Variants in GPBP1 observed in about 807,000 individuals in gnomAD.
GPBP1 encodes GC-rich promoter binding protein 1.
A neutral mutation model predicts 56.5 loss-of-function variants in GPBP1; 13 were observed. The observed-to-expected ratio is 0.23, with a 90% confidence interval of 0.15 to 0.37. The LOEUF (loss-of-function observed/expected upper bound fraction) is 0.37, where lower values mean the gene tolerates loss of function less well. GPBP1 is among the 10% of genes least tolerant of loss of function. GPBP1 has a pLI of 1.00. For synonymous variants in GPBP1, 204 were observed against 188.9 expected, an observed-to-expected ratio of 1.08 and a Z score of -0.66; for missense variants, 477 against 572.3, an observed-to-expected ratio of 0.83 and a Z score of 1.70.
intron 10 of GPBP1, among the ~76,000 whole-genome samples, chr5:57,256,515 A>G (rs1370921738): frequency 2.0e-5 from 3 of 152,130 alleles, no homozygotes; most frequent in South Asian, 2.1e-4. Context: ...CTTAAACCAT[A>G]TAGTTTAAAC....
chr5:57,199,718 C>T (rs1007885696), intron 2 of GPBP1, among the ~76,000 whole-genome samples: 1 of 152,102 alleles, frequency 6.6e-6, no homozygotes, highest in African/African-American at 2.4e-5. Flanking sequence ...TGAAAGCATA[C>T]TTCCAGATAT....
chr5:57,208,215 C>G (rs1430615479), intron 2 of GPBP1, among the ~76,000 whole-genome samples: 1 of 152,112 alleles, frequency 6.6e-6, no homozygotes, highest in Non-Finnish European at 1.5e-5. Context: ...AGGGACCATG[C>G]CCTTTTCTTC....
chr5:57,235,968 G>A lies in GPBP1; in HGVS notation c.414G>A (p.Pro138=), dbSNP rs147309086. 3,308 of 1,605,498 alleles carry A rather than the reference G, an allele frequency of 2.1e-3. 86 individuals carry two copies. In the South Asian group the frequency reaches 0.034, roughly 17 times the overall value. The change falls in exon 6 of 12, where the codon CCG becomes CCA. Residue 138 remains proline, a splice_region_variant and synonymous_variant. Transcript: ENST00000506184. ...TGTTTATTCCAACTTTCTTCCAGCC[G>A]TCTTTAAATCCTGAGTATGAGAGAG... ...ERKQFEAEDF[P]SLNPEYEREP...
intron 2 of GPBP1, among the ~76,000 whole-genome samples, chr5:57,179,794 C>T (rs945145125): frequency 3.3e-5 from 5 of 152,110 alleles, no homozygotes; most frequent in African/African-American, 1.2e-4. Flanking sequence ...GACGGGATTT[C>T]ACCACGTTGG....
intron 10 of GPBP1, among the ~76,000 whole-genome samples, chr5:57,252,110 G>A (rs1356065333): frequency 2.6e-5 from 4 of 151,626 alleles, no homozygotes; most frequent in African/African-American, 9.7e-5. Context: ...TCTCTCAGTA[G>A]TGCAATCACC....
intron 7 of GPBP1, 26 bp from the exon 8 acceptor site, chr5:57,247,049 A>G (rs751365317): frequency 4.4e-6 from 7 of 1,594,780 alleles, no homozygotes; most frequent in South Asian, 1.1e-5. Flanking sequence ...TTTGATAGCC[A>G]TTAATGTTTG....
At chr5:57,216,641 G>A (rs542900603) in intron 3 of GPBP1, among the ~76,000 whole-genome samples, 14 of 152,234 alleles carry the variant, frequency 9.2e-5, no homozygotes, top group East Asian at 3.9e-4. Flanking sequence ...AGCCGAGATC[G>A]TGCCACTGCA....
chr5:57,258,788 T>A (rs1003724269), intron 10 of GPBP1, among the ~76,000 whole-genome samples: 1 of 152,212 alleles, frequency 6.6e-6, no homozygotes, highest in Non-Finnish European at 1.5e-5. Context: ...GCTAGATTAT[T>A]TTGAAAGCTA....
chr5:57,250,963 T>G lies in GPBP1; in HGVS notation c.982T>G (p.Ser328Ala). ...ACTCTCTAAAAATCAGGATGACGAC[T>G]CATTTAATTTACATAACAGCAATAG... ...SRAGSEKDDDSFNLHNSNSTH... is the reference protein window; with the variant it reads ...SRAGSEKDDDAFNLHNSNSTH... Residue 328 changes from serine (S) to alanine (A), a missense_variant, in exon 10 of 12, where the codon TCA becomes GCA. Physicochemically the swap from Ser to Ala is moderately conservative, Grantham distance 99. This residue lies in a region of GPBP1 where 414 missense variants were observed against 458.2 expected (regional missense o/e 0.90). Coordinates refer to ENST00000506184, the MANE Select transcript of GPBP1 (RefSeq NM_022913.4). The G allele has an allele frequency of 6.4e-7, 1 of 1,566,292 alleles. No homozygotes were observed. The highest frequency in any genetic ancestry group is 8.7e-7 in the Non-Finnish European group (1 of 1,152,562).
Position 57,212,017 on chromosome 5 carries a change from A to G in GPBP1, c.-57-2057A>G, listed in dbSNP as rs78838058. On this transcript the variant is annotated intron_variant, in intron 2 of 11. Coordinates refer to ENST00000506184, the MANE Select transcript of GPBP1 (RefSeq NM_022913.4). The stretch of plus-strand genomic sequence containing the variant: ...AGTGGCGCGATCTCGGCTCACTGCA[A>G]CCTCCACTTCCCAGGTTCAAGCGAT... 2.7e-3 allele frequency among the ~76,000 whole-genome samples: 411 copies of G among 151,870 alleles called. 1 individual carries two copies. Among genetic ancestry groups the G allele is most frequent in the African/African-American group, 9.6e-3 (395 of 41,360 alleles).
At chr5:57,209,442 A>T (rs1356039715) in intron 2 of GPBP1, among the ~76,000 whole-genome samples, 1 of 152,154 alleles carries the variant, frequency 6.6e-6, no homozygotes, top group Non-Finnish European at 1.5e-5. Flanking sequence ...CTGGGACTAC[A>T]GGTGCTTTGC....
At chr5:57,252,599 C>T (rs938706250) in intron 10 of GPBP1, among the ~76,000 whole-genome samples, 16 of 152,140 alleles carry the variant, frequency 1.1e-4, no homozygotes, top group East Asian at 3.9e-4. Flanking sequence ...CACTATGTTG[C>T]GTAGGCTAGT....
intron 10 of GPBP1, 108 bp downstream of exon 10, chr5:57,251,249 T>C (rs778201600): frequency 5.4e-6 from 5 of 923,998 alleles, no homozygotes; most frequent in Non-Finnish European, 4.9e-6. Flanking sequence ...ACTTACGCCA[T>C]AAATTTCACC....
chr5:57,245,310 C>T (rs901596768), intron 6 of GPBP1, among the ~76,000 whole-genome samples: 14 of 152,186 alleles, frequency 9.2e-5, no homozygotes, highest in South Asian at 2.1e-4. Flanking sequence ...AGCACCATAC[C>T]GGCTTTATCT....
At chr5:57,234,204 T>A (rs1437915078) in intron 5 of GPBP1, among the ~76,000 whole-genome samples, 11 of 152,188 alleles carry the variant, frequency 7.2e-5, no homozygotes, top group African/African-American at 2.7e-4. Context: ...TTGATTTTAT[T>A]TAATATATAT....
At position 57,263,411 on chromosome 5, in the gene GPBP1, T is replaced by G. The variant is rs7168; in HGVS notation, c.*659T>G. On this transcript the variant is annotated 3_prime_UTR_variant, in exon 12 of 12. Coordinates refer to ENST00000506184, the MANE Select transcript of GPBP1 (RefSeq NM_022913.4). The stretch of plus-strand genomic sequence containing the variant: ...ACTTGGCACATTTTCTTCCAAATTT[T>G]AAGAGGTGATTTTCAAAAGCTTTAT... 6.6e-6 allele frequency: 1 copy of G among 151,944 alleles called. No individual in the cohort carries two copies. The highest frequency in any genetic ancestry group is 1.5e-5 in the Non-Finnish European group (1 of 67,956). The allele number at this position is 151,944 out of a possible 1,614,324, so 9.4% of individuals were successfully genotyped here. A position where few individuals can be genotyped will look rare whatever the true frequency, so the allele number is the denominator to read the frequency against.
intron 2 of GPBP1, among the ~76,000 whole-genome samples, chr5:57,211,957 G>A (rs1280119578): frequency 1.3e-5 from 2 of 150,988 alleles, no homozygotes; most frequent in African/African-American, 4.9e-5. Context: ...TTTTTTTTGA[G>A]ACAGAGTCTT....
intron 6 of GPBP1, among the ~76,000 whole-genome samples, chr5:57,241,858 A>G (rs2111901524): frequency 6.6e-6 from 1 of 152,318 alleles, no homozygotes; most frequent in South Asian, 2.1e-4. Context: ...CAGAAAGTAA[A>G]CATTGGATAA....
At position 57,261,957 on chromosome 5, in the gene GPBP1, C is replaced by T. The variant is rs190110523; in HGVS notation, c.1264-637C>T. ...GAGTGCAGTGGCTGGTCATAGCTCA[C>T]TGCATCCCCAAATTTCTGGGCTCAA... On this transcript the variant is annotated intron_variant, in intron 11 of 11. Coordinates refer to ENST00000506184, the MANE Select transcript of GPBP1 (RefSeq NM_022913.4). Among the ~76,000 whole-genome samples, 36 of 152,244 alleles carry T rather than the reference C, an allele frequency of 2.4e-4. No individual in the cohort carries two copies. In the East Asian group the frequency reaches 2.7e-3, roughly 11 times the overall value.
Sources: gnomAD v4.1 joint callset for allele counts (sites outside exome capture counted in the v4.1 genomes callset) on GRCh38, gnomAD v4.1.1 for gene constraint, gnomAD v4.1.1 regional missense constraint, MANE v1.5 for transcripts, NCBI Gene and HGNC (gene_info 2026-07-23, HGNC 2026-07-21) for gene names.